CAMKMT: variants seen among roughly 807,000 people sequenced by gnomAD.
The protein encoded by CAMKMT is CaM KMT.
A neutral mutation model predicts 48.0 loss-of-function variants in CAMKMT; 53 were observed. That is an observed-to-expected ratio of 1.10 (90% confidence interval 0.89 to 1.39). CAMKMT has a LOEUF of 1.39. CAMKMT is among the 40% of genes most tolerant of loss of function. The probability of loss-of-function intolerance (pLI) is 0.00; values close to 1 mark genes in which losing one functional copy is unlikely to be tolerated. For missense variants in CAMKMT, 428 were observed against 402.7 expected (o/e 1.06, Z -0.54); for synonymous variants, 165 against 152.3 (o/e 1.08, Z -0.61).
At chr2:44,689,021 A>T (rs1676487112) in intron 3 of CAMKMT, among the ~76,000 whole-genome samples, 3 of 152,176 alleles carry the variant, frequency 2.0e-5, no homozygotes. Context: ...AATGAGATAA[A>T]GCTGGACTCC....
intron 3 of CAMKMT, among the ~76,000 whole-genome samples, chr2:44,414,435 G>C (rs188293017): frequency 2.6e-5 from 4 of 152,090 alleles, no homozygotes; most frequent in African/African-American, 7.2e-5. Flanking sequence ...TCACTCACAT[G>C]GTTGTTGGCA....
At chr2:44,525,308 T>A (rs1286490260) in intron 3 of CAMKMT, among the ~76,000 whole-genome samples, 2 of 152,018 alleles carry the variant, frequency 1.3e-5, no homozygotes, top group African/African-American at 4.8e-5. Flanking sequence ...CAGGCTGGAG[T>A]GCAGTGGTGT....
chr2:44,683,408 G>A (rs1676132341), intron 3 of CAMKMT, among the ~76,000 whole-genome samples: 1 of 152,134 alleles, frequency 6.6e-6, no homozygotes, highest in African/African-American at 2.4e-5. Flanking sequence ...GAGGTATTAG[G>A]GGACTGAGGT....
intron 3 of CAMKMT, among the ~76,000 whole-genome samples, chr2:44,438,450 A>G (rs1292852217): frequency 2.0e-5 from 3 of 152,220 alleles, no homozygotes; most frequent in Non-Finnish European, 4.4e-5. Flanking sequence ...GTTTTTGTGC[A>G]TAATAATTAT....
chr2:44,600,757 T>A lies in CAMKMT; in HGVS notation c.377-103526T>A, dbSNP rs186745551. Among the ~76,000 whole-genome samples, 51 of 152,288 alleles carry A rather than the reference T, an allele frequency of 3.3e-4. 1 individual carries two copies. The highest frequency in any genetic ancestry group is 1.2e-3 in the African/African-American group (48 of 41,512). ...GTTTGTTATTCCTATAGTTTTTTGG[T>A]ATCAAAATTAATGTTTAAAATTTCT... On this transcript the variant is annotated intron_variant, in intron 3 of 10. Coordinates refer to ENST00000378494, the MANE Select transcript of CAMKMT (RefSeq NM_024766.5).
At chr2:44,643,191 C>T (rs1289762436) in intron 3 of CAMKMT, among the ~76,000 whole-genome samples, 6 of 152,140 alleles carry the variant, frequency 3.9e-5, no homozygotes, top group African/African-American at 1.2e-4. Flanking sequence ...AAAAGTTTGG[C>T]TACTTAATAT....
At chr2:44,706,430 G>T in intron 5 of CAMKMT, 89 bp downstream of exon 5, 1 of 1,274,986 alleles carries the variant, frequency 7.8e-7, no homozygotes, top group Non-Finnish European at 1.1e-6. Context: ...TCAGAGAACC[G>T]TCAACAGCAT....
chr2:44,728,205 C>T (rs576537139), intron 7 of CAMKMT, among the ~76,000 whole-genome samples: 9 of 152,296 alleles, frequency 5.9e-5, no homozygotes, highest in East Asian at 1.9e-4. Flanking sequence ...GGATTACAGG[C>T]GTGATCCAGT....
chr2:44,641,433 T>A (rs1673446125), intron 3 of CAMKMT, among the ~76,000 whole-genome samples: 1 of 152,094 alleles, frequency 6.6e-6, no homozygotes, highest in Admixed American at 6.6e-5. Context: ...ATAACAGTCC[T>A]AGTCTTGCAA....
chr2:44,490,904 C>A (rs983939148), intron 3 of CAMKMT, among the ~76,000 whole-genome samples: 3 of 152,100 alleles, frequency 2.0e-5, no homozygotes, highest in Non-Finnish European at 2.9e-5. Flanking sequence ...AATTACAACA[C>A]TTTGGGAGTC....
At chr2:44,362,469 C>T (rs960167517) in intron 1 of CAMKMT, among the ~76,000 whole-genome samples, 2 of 151,650 alleles carry the variant, frequency 1.3e-5, no homozygotes, top group Non-Finnish European at 2.9e-5. Flanking sequence ...CCCGCCGCTC[C>T]CCACTGCTCT....
At chr2:44,566,580 A>G (rs1668630920) in intron 3 of CAMKMT, among the ~76,000 whole-genome samples, 1 of 152,114 alleles carries the variant, frequency 6.6e-6, no homozygotes, top group African/African-American at 2.4e-5. Flanking sequence ...CTTCTAGTTG[A>G]TGGTGGAAGG....
intron 3 of CAMKMT, among the ~76,000 whole-genome samples, chr2:44,467,414 C>T (rs1009814755): frequency 2.0e-5 from 3 of 152,040 alleles, no homozygotes; most frequent in African/African-American, 7.3e-5. Flanking sequence ...TGCCTGTAAT[C>T]CCAGCTGCTA....
intron 7 of CAMKMT, among the ~76,000 whole-genome samples, chr2:44,727,872 GT>G (rs1678873927): frequency 1.3e-5 from 2 of 152,232 alleles, no homozygotes; most frequent in African/African-American, 4.8e-5. Context: ...TGATCATATG[GT>G]TTTTGCTTTT....
At chr2:44,733,422 AG>A (rs967574444) in intron 7 of CAMKMT, among the ~76,000 whole-genome samples, 1 of 152,180 alleles carries the variant, frequency 6.6e-6, no homozygotes, top group African/African-American at 2.4e-5. Context: ...TATTAGTTCT[AG>A]AAGCTTATTT....
chr2:44,444,421 T>C (rs1666858219), intron 3 of CAMKMT, among the ~76,000 whole-genome samples: 1 of 152,210 alleles, frequency 6.6e-6, no homozygotes, highest in African/African-American at 2.4e-5. Context: ...ATACCTTTTA[T>C]GTTTTCAAGT....
At position 44,519,607 on chromosome 2, in the gene CAMKMT, C is replaced by CT. The variant is rs574792606; in HGVS notation, c.376+129304dup. On this transcript the variant is annotated intron_variant, in intron 3 of 10. Transcript: ENST00000378494. ...GAGTGACTTCTTTCTATCAGAAAGA[C>CT]TTCAGAAAGGAAAGAGTTGAATTAG... is the stretch of plus-strand genomic sequence containing the variant. Among the ~76,000 whole-genome samples, 171 of 152,206 alleles carry CT rather than the reference C, an allele frequency of 1.1e-3. 5 individuals carry two copies. The South Asian group carries it at 0.035, about 31-fold the overall frequency.
At chr2:44,612,466 G>T (rs1232529963) in intron 3 of CAMKMT, among the ~76,000 whole-genome samples, 3 of 152,166 alleles carry the variant, frequency 2.0e-5, no homozygotes, top group African/African-American at 7.2e-5. Context: ...TTAACTTTGA[G>T]GAAGTAGTGA....
intron 3 of CAMKMT, among the ~76,000 whole-genome samples, chr2:44,609,493 A>C (rs1056735169): frequency 6.6e-6 from 1 of 152,222 alleles, no homozygotes; most frequent in Admixed American, 6.5e-5. Flanking sequence ...TTAATCAATA[A>C]AAAATTTAGT....
Sources: allele counts gnomAD v4.1 joint callset (sites outside exome capture counted in the v4.1 genomes callset), GRCh38; gene constraint gnomAD v4.1.1; transcripts MANE v1.5; gene names NCBI Gene and HGNC (gene_info 2026-07-23, HGNC 2026-07-21).